NOVA1: variants seen among roughly 807,000 people sequenced by gnomAD.
NOVA1 encodes the protein RNA-binding protein Nova-1.
In NOVA1, 7 loss-of-function variants were observed where a neutral mutation model predicts 38.0. That is an observed-to-expected ratio of 0.18 (90% CI 0.10 to 0.35). The LOEUF (loss-of-function observed/expected upper bound fraction) is 0.35, where lower values mean the gene tolerates loss of function less well. Ranked by LOEUF, NOVA1 falls within the 10% of genes least tolerant of loss-of-function variation. NOVA1 has a pLI of 1.00. For missense variants in NOVA1, 460 were observed against 616.0 expected (o/e 0.75, Z 2.68); for synonymous variants, 270 against 232.5 (o/e 1.16, Z -1.47).
chr14:26,506,248 A>G (rs893610207), intron 2 of NOVA1, among the ~76,000 whole-genome samples: 25 of 152,336 alleles, frequency 1.6e-4, no homozygotes, highest in African/African-American at 6.0e-4. Context: ...TATTTTCCCA[A>G]GTTAAGAATT....
chr14:26,472,034 T>C (rs993824454), intron 4 of NOVA1: 4 of 408,252 alleles, frequency 9.8e-6, no homozygotes, highest in African/African-American at 8.2e-5. Context: ...AAAATACCAA[T>C]TCAATAAATA....
chr14:26,504,341 C>T (rs146809460), intron 2 of NOVA1, among the ~76,000 whole-genome samples: 1 of 152,288 alleles, frequency 6.6e-6, no homozygotes, highest in African/African-American at 2.4e-5. Flanking sequence ...TTTCAATATA[C>T]ACACTTTTAA....
intron 4 of NOVA1, among the ~76,000 whole-genome samples, chr14:26,471,479 T>C (rs61990564): frequency 0.041 from 6,247 of 151,470 alleles, 191 homozygotes; most frequent in South Asian, 0.098. Flanking sequence ...TTAAAGAAAA[T>C]AACATTTCTC....
At chr14:26,515,388 C>T (rs867790547) in intron 2 of NOVA1, among the ~76,000 whole-genome samples, 2 of 151,952 alleles carry the variant, frequency 1.3e-5, no homozygotes, top group African/African-American at 4.8e-5. Context: ...ATGTGCATTA[C>T]TCAAAGTTGA....
chr14:26,591,240 TATAGAG>T (rs754908516), intron 2 of NOVA1, among the ~76,000 whole-genome samples: 56 of 151,712 alleles, frequency 3.7e-4, no homozygotes, highest in Admixed American at 1.1e-3. Flanking sequence ...CAACTGTAGA[TATAGAG>T]ATAAAAGATA....
At chr14:26,531,123 A>C (rs1420447172) in intron 2 of NOVA1, among the ~76,000 whole-genome samples, 1 of 152,208 alleles carries the variant, frequency 6.6e-6, no homozygotes, top group Non-Finnish European at 1.5e-5. Flanking sequence ...TACATAAGTC[A>C]GTACTAAATT....
intron 2 of NOVA1, among the ~76,000 whole-genome samples, chr14:26,589,000 T>C (rs1220067760): frequency 1.3e-5 from 2 of 151,192 alleles, no homozygotes; most frequent in African/African-American, 2.4e-5. Context: ...AACAAAAAAA[T>C]AGAAAAAAAA....
At chr14:26,481,395 A>G (rs1885437799) in intron 2 of NOVA1, among the ~76,000 whole-genome samples, 1 of 152,142 alleles carries the variant, frequency 6.6e-6, no homozygotes, top group East Asian at 1.9e-4. Flanking sequence ...ATACTGCTTT[A>G]AAGATTCTGA....
intron 2 of NOVA1, among the ~76,000 whole-genome samples, chr14:26,496,672 A>G (rs1033709491): frequency 2.6e-5 from 4 of 152,144 alleles, no homozygotes; most frequent in Admixed American, 6.5e-5. Context: ...ATTTTTGTAT[A>G]AGGTATAAGG....
At chr14:26,480,265 A>C (rs1885354648) in intron 2 of NOVA1, 122 bp from the exon 3 acceptor site, 2 of 763,308 alleles carry the variant, frequency 2.6e-6, no homozygotes, top group South Asian at 1.9e-5. Context: ...TAAAACATTT[A>C]ATTGAACCAC....
At chr14:26,493,824 C>A in intron 2 of NOVA1, among the ~76,000 whole-genome samples, 1 of 152,126 alleles carries the variant, frequency 6.6e-6, no homozygotes, top group East Asian at 1.9e-4. Flanking sequence ...TCTTGGGTAT[C>A]CTTCAGTTAG....
chr14:26,470,033 G>C (rs1008589351), intron 4 of NOVA1: 4 of 280,456 alleles, frequency 1.4e-5, no homozygotes, highest in Non-Finnish European at 2.2e-5. Flanking sequence ...GTAAAATTCG[G>C]TATGTACTGA....
At chr14:26,566,285 TTTTAA>T (rs1367504015) in intron 2 of NOVA1, among the ~76,000 whole-genome samples, 1 of 152,142 alleles carries the variant, frequency 6.6e-6, no homozygotes, top group East Asian at 1.9e-4. Flanking sequence ...TTCAAATTCG[TTTTAA>T]TTTATTGTCA....
chr14:26,591,814 GT>G (rs200197659), intron 2 of NOVA1, among the ~76,000 whole-genome samples: 4 of 150,538 alleles, frequency 2.7e-5, no homozygotes, highest in Non-Finnish European at 4.5e-5. Flanking sequence ...AATGGTTTGT[GT>G]TTTTTTTAAA....
intron 2 of NOVA1, among the ~76,000 whole-genome samples, chr14:26,503,963 G>A (rs1303771426): frequency 6.6e-6 from 1 of 152,044 alleles, no homozygotes; most frequent in African/African-American, 2.4e-5. Context: ...GTTTAATAAT[G>A]TAAAGAAAAG....
intron 2 of NOVA1, among the ~76,000 whole-genome samples, chr14:26,542,736 A>G (rs1594502073): frequency 8.2e-6 from 1 of 122,658 alleles, no homozygotes; most frequent in Non-Finnish European, 1.7e-5. Flanking sequence ...GTAATGGCAA[A>G]AAAAAAAAAA....
At chr14:26,574,581 A>G (rs1446180268) in intron 2 of NOVA1, among the ~76,000 whole-genome samples, 1 of 152,080 alleles carries the variant, frequency 6.6e-6, no homozygotes, top group Non-Finnish European at 1.5e-5. Context: ...ATAGAGGGGC[A>G]TAAATGAGTG....
intron 2 of NOVA1, among the ~76,000 whole-genome samples, chr14:26,550,800 A>G (rs1044399992): frequency 3.9e-5 from 6 of 152,236 alleles, no homozygotes; most frequent in African/African-American, 9.6e-5. Flanking sequence ...TTAGCATACC[A>G]TAAGTCAAAC....
At chr14:26,557,527 A>AT (rs1891566538) in intron 2 of NOVA1, among the ~76,000 whole-genome samples, 3 of 124,294 alleles carry the variant, frequency 2.4e-5, no homozygotes, top group Admixed American at 2.3e-4. Context: ...ATGACTGGCT[A>AT]ATTTTTTTTT....
Sources: gnomAD v4.1 joint callset for allele counts (sites outside exome capture counted in the v4.1 genomes callset) on GRCh38, gnomAD v4.1.1 for gene constraint, MANE v1.5 for transcripts, NCBI Gene and HGNC (gene_info 2026-07-23, HGNC 2026-07-21) for gene names.